The following ZNF430 variants were observed in gnomAD, a reference collection of about 807,000 sequenced individuals.
ZNF430 encodes zinc finger protein 430.
Under a neutral mutation model 56.7 loss-of-function variants are expected in ZNF430, and 35 were observed. That is an observed-to-expected ratio of 0.62 (90% CI 0.47 to 0.82). ZNF430 has a LOEUF of 0.82. ZNF430 is among the 40% of genes least tolerant of loss of function. The probability of loss-of-function intolerance (pLI) is 0.00; values close to 1 mark genes in which losing one functional copy is unlikely to be tolerated. For missense variants in ZNF430, 574 were observed against 661.0 expected (o/e 0.87, Z 1.44); for synonymous variants, 212 against 224.3 (o/e 0.94, Z 0.49).
intron 4 of ZNF430, among the ~76,000 whole-genome samples, chr19:21,042,615 C>T (rs1294549908): frequency 7.9e-5 from 12 of 152,120 alleles, no homozygotes; most frequent in Admixed American, 1.3e-4. Context: ...GGTGAAACCC[C>T]GTCCCTGCTA....
intron 2 of ZNF430, among the ~76,000 whole-genome samples, chr19:21,029,407 A>G (rs1200381284): frequency 2.6e-5 from 4 of 152,214 alleles, no homozygotes. Flanking sequence ...ACTTTAATAA[A>G]TTTGTTTAAA....
At chr19:21,039,630 C>T (rs1391494827) in intron 4 of ZNF430, among the ~76,000 whole-genome samples, 1 of 151,720 alleles carries the variant, frequency 6.6e-6, no homozygotes, top group Non-Finnish European at 1.5e-5. Flanking sequence ...TTATGCCCGG[C>T]TAATTTTTGT....
intron 2 of ZNF430, among the ~76,000 whole-genome samples, chr19:21,028,274 C>T (rs1437272931): frequency 2.0e-5 from 3 of 152,080 alleles, no homozygotes; most frequent in African/African-American, 7.2e-5. Context: ...GTGAGAGGCT[C>T]CAGATATAAA....
chr19:21,027,599 C>CT (rs938826837), intron 2 of ZNF430, among the ~76,000 whole-genome samples: 11 of 146,380 alleles, frequency 7.5e-5, no homozygotes, highest in East Asian at 4.0e-4. Flanking sequence ...TTGAAGTTTT[C>CT]TTTTTTTTTT....
At chr19:21,052,192 C>A (rs1162089688) in intron 4 of ZNF430, among the ~76,000 whole-genome samples, 8 of 152,136 alleles carry the variant, frequency 5.3e-5, no homozygotes, top group African/African-American at 1.9e-4. Flanking sequence ...TTTTTAAAAA[C>A]TTAAAAATTA....
chr19:21,038,330 T>A (rs10412621), intron 4 of ZNF430, among the ~76,000 whole-genome samples: 1 of 152,168 alleles, frequency 6.6e-6, no homozygotes, highest in African/African-American at 2.4e-5. Context: ...TTTGATTATA[T>A]ATAAAAGGTT....
intron 2 of ZNF430, among the ~76,000 whole-genome samples, chr19:21,026,540 A>G (rs1967799923): frequency 6.6e-6 from 1 of 151,956 alleles, no homozygotes; most frequent in Non-Finnish European, 1.5e-5. Flanking sequence ...GGGATCTTTC[A>G]CCATTCTGAT....
intron 4 of ZNF430, among the ~76,000 whole-genome samples, chr19:21,052,372 A>G (rs1414783394): frequency 6.6e-6 from 1 of 152,102 alleles, no homozygotes; most frequent in African/African-American, 2.4e-5. Flanking sequence ...TTACTTACTA[A>G]TATTCTGTCT....
chr19:21,052,144 T>C (rs1309862684), intron 4 of ZNF430, among the ~76,000 whole-genome samples: 1 of 152,194 alleles, frequency 6.6e-6, no homozygotes, highest in Admixed American at 6.5e-5. Flanking sequence ...TGTTTTATAC[T>C]CATTTCATTT....
At chr19:21,033,134 C>G (rs1389522744) in intron 2 of ZNF430, among the ~76,000 whole-genome samples, 1 of 152,032 alleles carries the variant, frequency 6.6e-6, no homozygotes, top group Non-Finnish European at 1.5e-5. Context: ...GCGGGTGGCT[C>G]ACCTGAGGTT....
chr19:21,022,717 A>C (rs1568581910), intron 1 of ZNF430, 72 bp from the exon 2 acceptor site: 1 of 1,126,902 alleles, frequency 8.9e-7, no homozygotes, highest in East Asian at 2.3e-5. Flanking sequence ...GGGATAAACC[A>C]AGATATCCGC....
chr19:21,055,711 C>T (rs1239010738), intron 4 of ZNF430, among the ~76,000 whole-genome samples: 1 of 152,140 alleles, frequency 6.6e-6, no homozygotes, highest in Admixed American at 6.5e-5. Flanking sequence ...GCCTTGGCCT[C>T]CCAAAGTACT....
At chr19:21,046,993 T>C (rs1157901297) in intron 4 of ZNF430, among the ~76,000 whole-genome samples, 1 of 152,212 alleles carries the variant, frequency 6.6e-6, no homozygotes, top group Non-Finnish European at 1.5e-5. Flanking sequence ...GTTCGGTCTT[T>C]TTACATAATC....
chr19:21,049,733 C>T lies in ZNF430; in HGVS notation c.323-6898C>T, dbSNP rs113050285. On this transcript the variant is annotated intron_variant, in intron 4 of 4. Transcript: ENST00000261560. Reference sequence around the variant, plus strand: ...TCGTGTAACATTTCTTGTTACATTTCGTGTAACATTTCTTATAGTGAACAC... The same window carrying T: ...TCGTGTAACATTTCTTGTTACATTTTGTGTAACATTTCTTATAGTGAACAC... 3.3e-5 allele frequency among the ~76,000 whole-genome samples: 5 copies of T among 151,874 alleles called. No homozygotes were observed. In the East Asian group the frequency reaches 9.7e-4, roughly 29 times the overall value.
At chr19:21,053,705 T>C (rs564689789) in intron 4 of ZNF430, among the ~76,000 whole-genome samples, 1 of 152,330 alleles carries the variant, frequency 6.6e-6, no homozygotes, top group South Asian at 2.1e-4. Context: ...AAAATTTTTT[T>C]AATAAATCAC....
At chr19:21,029,954 A>C (rs1292069665) in intron 2 of ZNF430, among the ~76,000 whole-genome samples, 4 of 147,676 alleles carry the variant, frequency 2.7e-5, no homozygotes, top group Non-Finnish European at 6.0e-5. Context: ...ACAGAGCGAG[A>C]CTCCATCTAA....
At chr19:21,043,177 A>G (rs117860363) in intron 4 of ZNF430, among the ~76,000 whole-genome samples, 19,573 of 152,200 alleles carry the variant, frequency 0.13, 1,583 homozygotes, top group Non-Finnish European at 0.18. Context: ...TGACGTTTTC[A>G]TGATGAAATC....
chr19:21,023,530 T>G (rs1252000670), intron 2 of ZNF430, among the ~76,000 whole-genome samples: 1 of 152,242 alleles, frequency 6.6e-6, no homozygotes, highest in Non-Finnish European at 1.5e-5. Context: ...AGGGTGAGTT[T>G]AGGAATTTTC....
intron 4 of ZNF430, among the ~76,000 whole-genome samples, chr19:21,038,719 C>T (rs982161781): frequency 2.6e-5 from 4 of 152,134 alleles, no homozygotes; most frequent in African/African-American, 9.7e-5. Context: ...TGAGCCACTG[C>T]ACCCTGCCTA....
Sources: allele counts gnomAD v4.1 joint callset (sites outside exome capture counted in the v4.1 genomes callset), GRCh38; gene constraint gnomAD v4.1.1; transcripts MANE v1.5; gene names NCBI Gene and HGNC (gene_info 2026-07-23, HGNC 2026-07-21).